The following DLGAP2 variants were observed in gnomAD, a reference collection of about 807,000 sequenced individuals.
DLGAP2 encodes DLG associated protein 2.
DLGAP2 carries 26 observed loss-of-function variants against 100.3 expected under a neutral mutation model. That is an observed-to-expected ratio of 0.26 (90% CI 0.19 to 0.36). The LOEUF is 0.36. DLGAP2 is among the 10% of genes least tolerant of loss of function. DLGAP2 has a pLI of 1.00. For missense variants in DLGAP2, 1,858 were observed against 1,453.2 expected (o/e 1.28, Z -4.53); for synonymous variants, 886 against 630.1 (o/e 1.41, Z -6.08).
chr8:1,116,879 G>C (rs1159377268), intron 2 of DLGAP2, among the ~76,000 whole-genome samples: 1 of 152,208 alleles, frequency 6.6e-6, no homozygotes, highest in Non-Finnish European at 1.5e-5. Context: ...AGTTGACTCT[G>C]AGTCTGAACA....
intron 2 of DLGAP2, among the ~76,000 whole-genome samples, chr8:1,254,216 C>G (rs7011661): frequency 7.9e-5 from 12 of 152,176 alleles, no homozygotes; most frequent in African/African-American, 2.7e-4. Context: ...GTGCCTCCCA[C>G]AGGCACCATG....
chr8:909,753 G>A (rs1798448293), intron 2 of DLGAP2, among the ~76,000 whole-genome samples: 2 of 152,164 alleles, frequency 1.3e-5, no homozygotes, highest in East Asian at 1.9e-4. Flanking sequence ...AGAGAGAGGT[G>A]TTGGTTGAGA....
chr8:1,515,013 G>A (rs1037639865), intron 4 of DLGAP2, among the ~76,000 whole-genome samples: 2 of 151,688 alleles, frequency 1.3e-5, no homozygotes, highest in African/African-American at 2.4e-5. Context: ...AGACCGACAT[G>A]GAGGGAGACC....
At chr8:1,173,358 T>C (rs551757435) in intron 2 of DLGAP2, among the ~76,000 whole-genome samples, 15 of 152,342 alleles carry the variant, frequency 9.8e-5, no homozygotes, top group African/African-American at 1.9e-4. Context: ...GGAGGCAGTC[T>C]GCCCGTTCTC....
intron 10 of DLGAP2, among the ~76,000 whole-genome samples, chr8:1,670,619 G>C (rs770219273): frequency 1.3e-5 from 2 of 152,206 alleles, no homozygotes; most frequent in African/African-American, 2.4e-5. Context: ...CGCTGGGTGC[G>C]TGCTGGGTGA....
intron 1 of DLGAP2, among the ~76,000 whole-genome samples, chr8:802,080 CG>C (rs1796172411): frequency 7.7e-6 from 1 of 130,440 alleles, no homozygotes; most frequent in Non-Finnish European, 1.6e-5. Flanking sequence ...CTGGGCCCTC[CG>C]TCCTCACGGC....
At chr8:842,160 C>T (rs895780343) in intron 1 of DLGAP2, among the ~76,000 whole-genome samples, 2 of 152,208 alleles carry the variant, frequency 1.3e-5, no homozygotes, top group African/African-American at 4.8e-5. Flanking sequence ...CATGTTTACT[C>T]CTAACTACTC....
intron 3 of DLGAP2, among the ~76,000 whole-genome samples, chr8:1,285,296 T>G (rs927246151): frequency 2.0e-5 from 3 of 152,240 alleles, no homozygotes; most frequent in Admixed American, 6.5e-5. Flanking sequence ...GATTCATTGT[T>G]AAAAAATAAA....
chr8:1,333,281 G>A (rs899723363), intron 3 of DLGAP2, among the ~76,000 whole-genome samples: 2 of 152,168 alleles, frequency 1.3e-5, no homozygotes, highest in African/African-American at 4.8e-5. Context: ...GCAGAGCATG[G>A]CACCTCGAGT....
chr8:1,525,191 C>CTTTTTTTTTTTT (rs56358216), intron 4 of DLGAP2, among the ~76,000 whole-genome samples: 1 of 103,678 alleles, frequency 9.6e-6, no homozygotes, highest in Non-Finnish European at 1.9e-5. Context: ...ACTCTGATGT[C>CTTTTTTTTTTTT]TTTTTTTTTT....
At chr8:819,632 T>A (rs191453785) in intron 1 of DLGAP2, among the ~76,000 whole-genome samples, 1 of 152,308 alleles carries the variant, frequency 6.6e-6, no homozygotes, top group Admixed American at 6.5e-5. Flanking sequence ...GATCAATGAA[T>A]GAACATTATT....
At chr8:1,317,996 G>A (rs370765610) in intron 3 of DLGAP2, among the ~76,000 whole-genome samples, 4 of 26,186 alleles carry the variant, frequency 1.5e-4, no homozygotes, top group East Asian at 8.9e-4. Context: ...CGAGAAACTC[G>A]GCAGCTTTTA....
chr8:1,465,453 C>T (rs1798598964), intron 3 of DLGAP2, among the ~76,000 whole-genome samples: 1 of 151,304 alleles, frequency 6.6e-6, no homozygotes, highest in African/African-American at 2.4e-5. Flanking sequence ...CGTGGGGTTC[C>T]ATTAATTTGC....
chr8:1,227,156 ATATATATATATATATATAG>A (rs1563265006), intron 2 of DLGAP2, among the ~76,000 whole-genome samples: 1 of 130,714 alleles, frequency 7.7e-6, no homozygotes, highest in Non-Finnish European at 1.6e-5. Flanking sequence ...ACTGTGAGAT[ATATATATATATATATATAG>A]TATAGATATA....
intron 6 of DLGAP2, among the ~76,000 whole-genome samples, chr8:1,590,579 G>C (rs1481586910): frequency 6.6e-6 from 1 of 152,190 alleles, no homozygotes; most frequent in East Asian, 1.9e-4. Flanking sequence ...GATTGTTGGT[G>C]ATTCTTCATG....
rs3042253 is a variant in DLGAP2, at chr8:986,662, A to AT, written c.73+78711dup. On this transcript the variant is annotated intron_variant, in intron 2 of 14. Transcript: ENST00000637795. ...CACTGCATGTCAAACACTGTATTTGATTTTTTTTTTTTTTTGAGACAGAGT... is the reference window on the plus strand; with the variant it reads ...CACTGCATGTCAAACACTGTATTTGATTTTTTTTTTTTTTTTGAGACAGAGT... 8.6e-3 allele frequency among the ~76,000 whole-genome samples: 1,248 copies of AT among 144,378 alleles called. 8 individuals carry two copies. Among genetic ancestry groups the AT allele is most frequent in the South Asian group, 9.6e-3 (43 of 4,464 alleles). 94.7% of individuals were successfully genotyped at this position (144,378 alleles called of 152,430 possible).
intron 1 of DLGAP2, among the ~76,000 whole-genome samples, chr8:756,775 G>C (rs1182665394): frequency 2.0e-5 from 3 of 152,136 alleles, no homozygotes; most frequent in South Asian, 4.1e-4. Flanking sequence ...CTTGAGTCAG[G>C]AGAACGTTCT....
chr8:1,491,400 G>A (rs566339240), intron 3 of DLGAP2, among the ~76,000 whole-genome samples: 1,750 of 152,332 alleles, frequency 0.011, 47 homozygotes, highest in African/African-American at 0.039. Context: ...CCTGACCTCG[G>A]AGGCTTCCGG....
At chr8:753,896 G>A (rs1034397347) in intron 1 of DLGAP2, 4 of 152,252 alleles carry the variant, frequency 2.6e-5, no homozygotes, top group Admixed American at 6.5e-5. Flanking sequence ...GGCGCGGTGC[G>A]GCGTGTGATT....
Sources: gnomAD v4.1 joint callset for allele counts (sites outside exome capture counted in the v4.1 genomes callset) on GRCh38, gnomAD v4.1.1 for gene constraint, MANE v1.5 for transcripts, NCBI Gene and HGNC (gene_info 2026-07-23, HGNC 2026-07-21) for gene names.